The following PLAGL1 variants were observed in gnomAD, a reference collection of about 807,000 sequenced individuals.
The protein encoded by PLAGL1 is zinc finger protein PLAGL1.
PLAGL1 carries 1 observed loss-of-function variant against 4.6 expected under a neutral mutation model. The ratio of observed to expected loss-of-function variants is 0.22; its 90% CI spans 0.08 to 1.03. The LOEUF (loss-of-function observed/expected upper bound fraction) is 1.03. Ranked by LOEUF, PLAGL1 falls within the 50% of genes least tolerant of loss-of-function variation. The pLI is 0.58. For missense variants in PLAGL1, 464 were observed against 570.4 expected (o/e 0.81, Z 1.90); for synonymous variants, 240 against 237.8 (o/e 1.01, Z -0.08).
At position 144,006,669 on chromosome 6, in the gene PLAGL1, G is replaced by GT. The variant is rs1283856707; in HGVS notation, c.-584+1420dup. 17 of 152,060 alleles carry GT rather than the reference G, an allele frequency of 1.1e-4. No individual in the cohort carries two copies. Among genetic ancestry groups the GT allele is most frequent in the Admixed American group, 1.3e-4 (2 of 15,282 alleles). 9.4% of individuals were successfully genotyped at this position (152,060 alleles called of 1,614,324 possible). On this transcript the variant is annotated intron_variant, in intron 1 of 7. Transcript: ENST00000674357. The surrounding 1 kb of genome is among the most constrained non-coding windows in gnomAD (Gnocchi z 4.3). ...GTACAGTGTGCCCTTTTTATGAGTG[G>GT]TGTATAATTTATCTTTCTCCTTCAG... is the stretch of plus-strand genomic sequence containing the variant.
rs1286127184 is a variant in PLAGL1, at chr6:143,940,703, T to G, written c.*721A>C. On this transcript the variant is annotated 3_prime_UTR_variant, in exon 8 of 8. Transcript: ENST00000674357. Reference sequence around the variant, plus strand: ...GCCTTTGACTGACGCCTGGATTATTTTACCACTTAACCTGGTTACACAGTG... The same window carrying G: ...GCCTTTGACTGACGCCTGGATTATTGTACCACTTAACCTGGTTACACAGTG... 6.6e-6 allele frequency: 1 copy of G among 151,654 alleles called. No individual in the cohort carries two copies. Among genetic ancestry groups the G allele is most frequent in the African/African-American group, 2.4e-5 (1 of 41,206 alleles). The allele number at this position is 151,654 out of a possible 1,614,324, so 9.4% of individuals were successfully genotyped here. A position where few individuals can be genotyped will look rare whatever the true frequency, so the allele number is the denominator to read the frequency against.
chr6:143,941,241 A>ACACT lies in PLAGL1; in HGVS notation c.*179_*182dup, dbSNP rs1463138804. ...TCATTAAATTTGGTACAAAGCATGA[A>ACACT]CACTCAGGACAGATTGGCACAATAC... On this transcript the variant is annotated 3_prime_UTR_variant, in exon 8 of 8. Coordinates refer to ENST00000674357, the MANE Select transcript of PLAGL1 (RefSeq NM_001317162.2). The surrounding 1 kb of genome is among the most constrained non-coding windows in gnomAD (Gnocchi z 6.0). 6.5e-6 allele frequency: 3 copies of ACACT among 458,372 alleles called. No individual in the cohort carries two copies. The highest frequency in any genetic ancestry group is 3.8e-5 in the Admixed American group (1 of 26,202). The allele number at this position is 458,372 out of a possible 1,614,324, so 28.4% of individuals were successfully genotyped here.
In PLAGL1 at chr6:144,048,546, C is replaced by A. The variant is rs1354536011; in HGVS notation, c.-151+15922G>T. Among the ~76,000 whole-genome samples, 2 of 152,226 alleles carry A rather than the reference C, an allele frequency of 1.3e-5. No individual in the cohort carries two copies. The highest frequency in any genetic ancestry group is 2.9e-5 in the Non-Finnish European group (2 of 68,044). On this transcript the variant is annotated intron_variant, in intron 1 of 3. Coordinates refer to the PLAGL1 transcript ENST00000437412. This position sits in a 1 kb window ranked among gnomAD's most constrained non-coding sequence, Gnocchi z 4.8. ...CCTCAGACCCAACACTATATGGAAG[C>A]CTCCAAGGCTTACAGCTTGCAGTCT...
Position 143,978,518 on chromosome 6 carries a change from C to A in PLAGL1, c.-544+6617G>T, listed in dbSNP as rs1418594442. Among the ~76,000 whole-genome samples the A allele has an allele frequency of 6.6e-6, 1 of 151,994 alleles. No individual in the cohort carries two copies. The highest frequency in any genetic ancestry group is 2.4e-5 in the African/African-American group (1 of 41,404). On this transcript the variant is annotated intron_variant, in intron 2 of 7. Coordinates refer to ENST00000674357, the MANE Select transcript of PLAGL1 (RefSeq NM_001317162.2). This position sits in a 1 kb window ranked among gnomAD's most constrained non-coding sequence, Gnocchi z 4.6. ...TTAACTTTTAGTTTAATTCTGTAGT[C>A]TCAGAAAGTATTTTGTATGGTTTCT... is the stretch of plus-strand genomic sequence containing the variant.
intron 6 of PLAGL1, among the ~76,000 whole-genome samples, chr6:143,956,193 C>T (rs1782087976): frequency 6.6e-6 from 1 of 152,200 alleles, no homozygotes; most frequent in South Asian, 2.1e-4. Context: ...ACCTTGATCA[C>T]CAATGTTTTC....
chr6:144,046,552 C>G (rs1388268476), intron 1 of PLAGL1, among the ~76,000 whole-genome samples: 2 of 152,180 alleles, frequency 1.3e-5, no homozygotes, highest in African/African-American at 4.8e-5. Context: ...CTGATCCTTC[C>G]TCTGGAAGCT....
chr6:143,967,458 A>G (rs545567737), intron 3 of PLAGL1: 4 of 152,256 alleles, frequency 2.6e-5, no homozygotes, highest in African/African-American at 7.2e-5. Context: ...ACACAATTCC[A>G]TCTCCTAGCA....
chr6:143,983,270 G>A lies in PLAGL1; in HGVS notation c.-544+1865C>T, dbSNP rs1423092034. Among the ~76,000 whole-genome samples, 2 of 152,196 alleles carry A rather than the reference G, an allele frequency of 1.3e-5. No individual in the cohort carries two copies. The highest frequency in any genetic ancestry group is 2.4e-5 in the African/African-American group (1 of 41,450). ...GAATTAATGGTTGAGTTTGCAATAT[G>A]AAGGTCGCTGGTGACACTTGAGAAC... On this transcript the variant is annotated intron_variant, in intron 2 of 7. Coordinates refer to ENST00000674357, the MANE Select transcript of PLAGL1 (RefSeq NM_001317162.2). This position sits in a 1 kb window ranked among gnomAD's most constrained non-coding sequence, Gnocchi z 6.6.
In PLAGL1 at chr6:143,973,710, C is replaced by T. The variant is rs573082832; in HGVS notation, c.-543-4732G>A. Among the ~76,000 whole-genome samples the T allele has an allele frequency of 1.2e-3, 177 of 152,304 alleles. No individual in the cohort carries two copies. The highest frequency in any genetic ancestry group is 1.3e-3 in the Non-Finnish European group (86 of 68,018). On this transcript the variant is annotated intron_variant, in intron 2 of 7. Transcript: ENST00000674357. The surrounding 1 kb of genome is among the most constrained non-coding windows in gnomAD (Gnocchi z 6.2). Reference sequence around the variant, plus strand: ...ATAGCCAGAGGAAGATGGCTATACACGCAGCCTCTATTAGTTCACTGCTGT... The same window carrying T: ...ATAGCCAGAGGAAGATGGCTATACATGCAGCCTCTATTAGTTCACTGCTGT...
chr6:143,951,700 G>A (rs1437345228), intron 6 of PLAGL1, among the ~76,000 whole-genome samples: 2 of 152,182 alleles, frequency 1.3e-5, no homozygotes, highest in East Asian at 3.8e-4. Flanking sequence ...ATTAGACATG[G>A]CCATGGTTTA....
chr6:144,057,638 C>T (rs1799073173), intron 1 of PLAGL1, among the ~76,000 whole-genome samples: 1 of 152,208 alleles, frequency 6.6e-6, no homozygotes, highest in Non-Finnish European at 1.5e-5. Flanking sequence ...GAAAATGCCA[C>T]ACCCATTAGC....
Position 143,977,644 on chromosome 6 carries a change from C to T in PLAGL1, c.-544+7491G>A, listed in dbSNP as rs1440498325. On this transcript the variant is annotated intron_variant, in intron 2 of 7. Transcript: ENST00000674357. ...TAGTCTGTATACCTGAGATTACAGGCGCCCACCATCATGCCAGGCTAATTT... is the reference window on the plus strand; with the variant it reads ...TAGTCTGTATACCTGAGATTACAGGTGCCCACCATCATGCCAGGCTAATTT... Among the ~76,000 whole-genome samples the T allele has an allele frequency of 3.3e-5, 5 of 151,392 alleles. No homozygotes were observed. In the South Asian group the frequency reaches 8.4e-4, roughly 25 times the overall value.
chr6:144,041,766 C>T (rs957585762), intron 1 of PLAGL1, among the ~76,000 whole-genome samples: 1 of 152,218 alleles, frequency 6.6e-6, no homozygotes, highest in Admixed American at 6.5e-5. Context: ...GCCACACTGT[C>T]TTCCACAATG....
chr6:144,037,559 C>G (rs1797337118), intron 1 of PLAGL1: 2 of 151,840 alleles, frequency 1.3e-5, no homozygotes. Context: ...TGCCACTGCA[C>G]TCGAGCCTGG....
rs146669245 is a variant in PLAGL1 at position 143,958,304 on chromosome 6, T to C, written c.-325+2165A>G. 8.5e-5 allele frequency among the ~76,000 whole-genome samples: 13 copies of C among 152,386 alleles called. No individual in the cohort carries two copies. Among genetic ancestry groups the C allele is most frequent in the Non-Finnish European group, 1.8e-4 (12 of 68,044 alleles). On this transcript the variant is annotated intron_variant, in intron 6 of 7. Transcript: ENST00000674357. The surrounding 1 kb of genome is among the most constrained non-coding windows in gnomAD (Gnocchi z 5.1). ...ATTGAAAGGTACTGTTCTGAAATGCTAACTGGTTCTTTTTACATGAGATGA... is the reference window on the plus strand; with the variant it reads ...ATTGAAAGGTACTGTTCTGAAATGCCAACTGGTTCTTTTTACATGAGATGA...
intron 1 of PLAGL1, among the ~76,000 whole-genome samples, chr6:144,017,062 C>T (rs2128694333): frequency 6.6e-6 from 1 of 152,052 alleles, no homozygotes; most frequent in East Asian, 1.9e-4. Flanking sequence ...ATTTACAGTC[C>T]TTCAAACAGA....
In PLAGL1 at chr6:143,958,452, T is replaced by C. The variant is rs1038694995; in HGVS notation, c.-325+2017A>G. 5.3e-5 allele frequency among the ~76,000 whole-genome samples: 8 copies of C among 152,194 alleles called. No individual in the cohort carries two copies. Among genetic ancestry groups the C allele is most frequent in the African/African-American group, 1.9e-4 (8 of 41,442 alleles). On this transcript the variant is annotated intron_variant, in intron 6 of 7. Transcript: ENST00000674357. This position sits in a 1 kb window ranked among gnomAD's most constrained non-coding sequence, Gnocchi z 5.1. Reference sequence around the variant, plus strand: ...ACTTATAGTAAACTGTGTACATGCATGGTTATGTGAGAAAAGTGAAGCTGC... The same window carrying C: ...ACTTATAGTAAACTGTGTACATGCACGGTTATGTGAGAAAAGTGAAGCTGC...
At chr6:144,046,462 G>A (rs561457645) in intron 1 of PLAGL1, among the ~76,000 whole-genome samples, 1 of 152,274 alleles carries the variant, frequency 6.6e-6, no homozygotes, top group Admixed American at 6.5e-5. Flanking sequence ...CAGGTCTGCT[G>A]GAGTTTGCTG....
intron 1 of PLAGL1, among the ~76,000 whole-genome samples, chr6:144,032,645 T>A (rs1479477530): frequency 6.6e-6 from 1 of 152,210 alleles, no homozygotes; most frequent in Non-Finnish European, 1.5e-5. Context: ...CACTGCAACG[T>A]CCGCCTCCTG....
Sources: gnomAD v4.1 joint callset for allele counts (sites outside exome capture counted in the v4.1 genomes callset) on GRCh38, gnomAD v4.1.1 for gene constraint, Gnocchi (gnomAD v3.1) non-coding constraint, MANE v1.5 for transcripts, NCBI Gene and HGNC (gene_info 2026-07-23, HGNC 2026-07-21) for gene names.